Variants in NCOA1 observed in about 807,000 individuals in gnomAD.
NCOA1 encodes nuclear receptor coactivator 1.
NCOA1 carries 35 observed loss-of-function variants against 150.9 expected under a neutral mutation model. That is an observed-to-expected ratio of 0.23 (90% confidence interval 0.18 to 0.31). The LOEUF (loss-of-function observed/expected upper bound fraction) is 0.31, where lower values mean the gene tolerates loss of function less well. Among genes scored for constraint, NCOA1 ranks in the 10% least tolerant of loss-of-function variants. The probability of loss-of-function intolerance (pLI) is 1.00; values close to 1 mark genes in which losing one functional copy is unlikely to be tolerated. For missense variants in NCOA1, 1,491 were observed against 1,749.3 expected (o/e 0.85, Z 2.63); for synonymous variants, 590 against 630.0 (o/e 0.94, Z 0.95).
intron 3 of NCOA1, among the ~76,000 whole-genome samples, chr2:24,599,216 A>C (rs1320367580): frequency 6.6e-6 from 1 of 152,202 alleles, no homozygotes; most frequent in Non-Finnish European, 1.5e-5. Flanking sequence ...AATGATGTAC[A>C]CATGTGACTC....
chr2:24,588,513 C>T (rs953047684), intron 3 of NCOA1, among the ~76,000 whole-genome samples: 2 of 152,150 alleles, frequency 1.3e-5, no homozygotes, highest in African/African-American at 2.4e-5. Context: ...CCCCCCTCTC[C>T]GTTGAGATTG....
intron 3 of NCOA1, among the ~76,000 whole-genome samples, chr2:24,638,512 C>T (rs1670042878): frequency 6.6e-6 from 1 of 152,066 alleles, no homozygotes; most frequent in Non-Finnish European, 1.5e-5. Flanking sequence ...AGTAGGATTG[C>T]TGGATTATAT....
At chr2:24,691,456 C>A (rs762213008) in intron 8 of NCOA1, 25 bp from the exon 9 acceptor site, 7 of 1,608,218 alleles carry the variant, frequency 4.4e-6, no homozygotes, top group Non-Finnish European at 5.9e-6. Flanking sequence ...TATTCGCAAG[C>A]ACATAATCAA....
intron 21 of NCOA1, 92 bp from the exon 22 acceptor site, chr2:24,762,595 T>G (rs1664841953): frequency 9.8e-6 from 11 of 1,122,478 alleles, no homozygotes; most frequent in Non-Finnish European, 1.3e-5. Context: ...CTCCTATTAC[T>G]TTTCTGTCAG....
At chr2:24,595,628 C>A (rs1344605562) in intron 3 of NCOA1, among the ~76,000 whole-genome samples, 2 of 152,032 alleles carry the variant, frequency 1.3e-5, no homozygotes, top group Non-Finnish European at 2.9e-5. Flanking sequence ...TTGTGATTTA[C>A]CCAATGATAT....
chr2:24,685,693 G>A (rs891206970), intron 8 of NCOA1, among the ~76,000 whole-genome samples: 3 of 152,198 alleles, frequency 2.0e-5, no homozygotes, highest in African/African-American at 7.2e-5. Flanking sequence ...TTGGTAGGAA[G>A]GTTAAAGGGT....
intron 2 of NCOA1, among the ~76,000 whole-genome samples, chr2:24,567,562 CTGTGTACA>C (rs1666567489): frequency 6.6e-6 from 1 of 152,142 alleles, no homozygotes; most frequent in Admixed American, 6.5e-5. Context: ...CAGTCATAGA[CTGTGTACA>C]TCAAGTCAAA....
At chr2:24,657,894 A>G (rs1374540455) in intron 4 of NCOA1, among the ~76,000 whole-genome samples, 3 of 152,212 alleles carry the variant, frequency 2.0e-5, no homozygotes, top group African/African-American at 7.2e-5. Context: ...TGATTGTAAG[A>G]CCAAGGATAG....
intron 22 of NCOA1, among the ~76,000 whole-genome samples, chr2:24,763,616 CT>C (rs1179539444): frequency 1.6e-3 from 133 of 85,314 alleles, no homozygotes; most frequent in Non-Finnish European, 2.3e-3. Flanking sequence ...GTCTCTCTCT[CT>C]TTTTTTTTTT....
At chr2:24,591,794 A>C (rs1205242324) in intron 3 of NCOA1, among the ~76,000 whole-genome samples, 1 of 152,086 alleles carries the variant, frequency 6.6e-6, no homozygotes, top group Non-Finnish European at 1.5e-5. Context: ...TTATTTTAAG[A>C]ATTTATAAAT....
At chr2:24,533,014 T>C (rs2148169840) in intron 1 of NCOA1, among the ~76,000 whole-genome samples, 1 of 152,336 alleles carries the variant, frequency 6.6e-6, no homozygotes, top group South Asian at 2.1e-4. Context: ...TTGATGGGGA[T>C]GGCATTGAAT....
At chr2:24,553,275 A>G (rs1212027723) in intron 1 of NCOA1, among the ~76,000 whole-genome samples, 1 of 151,288 alleles carries the variant, frequency 6.6e-6, no homozygotes, top group Non-Finnish European at 1.5e-5. Flanking sequence ...GCTGGAGTGC[A>G]GTGGGCGATC....
intron 15 of NCOA1, 128 bp downstream of exon 15, chr2:24,726,834 TA>T (rs5829933): frequency 0.1 from 20,889 of 204,002 alleles, 46 homozygotes; most frequent in East Asian, 0.16. Flanking sequence ...AAATACTTAC[TA>T]AAAAAAAAAA....
At chr2:24,557,826 G>A (rs1178413636) in intron 1 of NCOA1, among the ~76,000 whole-genome samples, 2 of 151,736 alleles carry the variant, frequency 1.3e-5, no homozygotes, top group African/African-American at 2.4e-5. Flanking sequence ...GAAGTCTTCT[G>A]TAATTTTAAT....
At chr2:24,680,147 T>G (rs1672098213) in intron 7 of NCOA1, among the ~76,000 whole-genome samples, 1 of 152,208 alleles carries the variant, frequency 6.6e-6, no homozygotes, top group Non-Finnish European at 1.5e-5. Flanking sequence ...CATACTGATT[T>G]CATTTCCTTT....
At chr2:24,519,739 ATTGT>A (rs1280950560) in intron 1 of NCOA1, among the ~76,000 whole-genome samples, 1 of 151,598 alleles carries the variant, frequency 6.6e-6, no homozygotes, top group Admixed American at 6.6e-5. Flanking sequence ...AGATGGGAGG[ATTGT>A]TTGTGCCCAG....
intron 20 of NCOA1, 54 bp from the exon 21 acceptor site, chr2:24,757,919 T>C (rs2148690712): frequency 6.4e-7 from 1 of 1,560,730 alleles, no homozygotes; most frequent in Non-Finnish European, 8.8e-7. Flanking sequence ...TCTAGTCATA[T>C]ATCCCCTTGT....
chr2:24,668,376 G>A (rs1235163691), intron 6 of NCOA1, among the ~76,000 whole-genome samples: 2 of 151,940 alleles, frequency 1.3e-5, no homozygotes, highest in African/African-American at 4.8e-5. Context: ...TTATACCAAT[G>A]CACAATTTAG....
intron 2 of NCOA1, among the ~76,000 whole-genome samples, chr2:24,574,673 T>C (rs1003364901): frequency 6.6e-6 from 1 of 152,044 alleles, no homozygotes; most frequent in Non-Finnish European, 1.5e-5. Context: ...AAATCATTTC[T>C]TTAAGTGCAA....
Sources: gnomAD v4.1 joint callset for allele counts (sites outside exome capture counted in the v4.1 genomes callset) on GRCh38, gnomAD v4.1.1 for gene constraint, MANE v1.5 for transcripts, NCBI Gene and HGNC (gene_info 2026-07-23, HGNC 2026-07-21) for gene names.